CUL4A: variants seen among roughly 807,000 people sequenced by gnomAD.
CUL4A encodes the protein cullin 4A, also known as cullin-4A.
CUL4A carries 16 observed loss-of-function variants against 95.5 expected under a neutral mutation model. The observed-to-expected ratio is 0.17, with a 90% CI of 0.11 to 0.25. CUL4A has a LOEUF of 0.25. Among genes scored for constraint, CUL4A ranks in the 10% least tolerant of loss-of-function variants. The pLI is 1.00. For synonymous variants in CUL4A, 380 were observed against 353.1 expected (o/e 1.08, Z -0.85); for missense variants, 610 against 937.0 (o/e 0.65, Z 4.56).
Position 113,225,713 on chromosome 13 carries a change from G to A in CUL4A, c.369-2263G>A, listed in dbSNP as rs1376168074. Among the ~76,000 whole-genome samples, 6 of 152,356 alleles carry A rather than the reference G, an allele frequency of 3.9e-5. No individual in the cohort carries two copies. In the East Asian group the frequency reaches 9.6e-4, roughly 24 times the overall value. ...CTGGGAGGTCCAGGCCGCAGTTCCC[G>A]TCCAGCTCCTGGAGTCAGAGCTGCA... On this transcript the variant is annotated intron_variant, in intron 3 of 19. Transcript: ENST00000375440.
rs368124431 is a variant in CUL4A, at chr13:113,236,594, G to A, written c.849-229G>A. 6.6e-5 allele frequency among the ~76,000 whole-genome samples: 10 copies of A among 152,302 alleles called. No homozygotes were observed. In the East Asian group the frequency reaches 1.9e-3, roughly 29 times the overall value. ...GAAGCATCCCTGCTTCCCTGGGCCC[G>A]CCCGTGGGCCTGCTTGTGCTGTTCA... On this transcript the variant is annotated intron_variant, in intron 8 of 19. Coordinates refer to ENST00000375440, the MANE Select transcript of CUL4A (RefSeq NM_001008895.4).
intron 5 of CUL4A, among the ~76,000 whole-genome samples, chr13:113,231,549 A>G (rs2041309958): frequency 6.6e-6 from 1 of 152,130 alleles, no homozygotes; most frequent in African/African-American, 2.4e-5. Flanking sequence ...AGAGTCACAC[A>G]AGTGGAGACC....
chr13:113,233,071 C>A, intron 5 of CUL4A, 106 bp from the exon 6 acceptor site: 3 of 1,197,342 alleles, frequency 2.5e-6, no homozygotes, highest in Non-Finnish European at 3.5e-6. Context: ...AGAGAATTAG[C>A]AACTTCACAT....
At chr13:113,249,937 G>T (rs2041952783) in intron 15 of CUL4A, among the ~76,000 whole-genome samples, 1 of 151,968 alleles carries the variant, frequency 6.6e-6, no homozygotes, top group Admixed American at 6.6e-5. Flanking sequence ...TTTTTAACCG[G>T]GCTGTTTATC....
chr13:113,208,420 C>T (rs2040113418), upstream of CUL4A: 1 of 1,487,160 alleles, frequency 6.7e-7, no homozygotes, highest in Non-Finnish European at 8.9e-7. Context: ...AGAACTCGGG[C>T]CGCCTTCCCG....
In CUL4A at chr13:113,221,843, T is replaced by C. The variant is rs901093516; in HGVS notation, c.368+2795T>C. ...CACCTGCCTCAGCCTCCCAAAGTGCTGGGATTACAGGCGTGAGCCACCGCG... is the reference window on the plus strand; with the variant it reads ...CACCTGCCTCAGCCTCCCAAAGTGCCGGGATTACAGGCGTGAGCCACCGCG... On this transcript the variant is annotated intron_variant, in intron 3 of 19. Coordinates refer to ENST00000375440, the MANE Select transcript of CUL4A (RefSeq NM_001008895.4). Among the ~76,000 whole-genome samples, 7 of 152,350 alleles carry C rather than the reference T, an allele frequency of 4.6e-5. No homozygotes were observed. In the South Asian group the frequency reaches 1.4e-3, roughly 32 times the overall value.
At chr13:113,233,632 C>G (rs1437840604) in intron 6 of CUL4A, among the ~76,000 whole-genome samples, 1 of 152,142 alleles carries the variant, frequency 6.6e-6, no homozygotes, top group Admixed American at 6.5e-5. Flanking sequence ...AGATGACACG[C>G]TGGGGGAAAA....
intron 15 of CUL4A, among the ~76,000 whole-genome samples, chr13:113,250,826 A>G (rs980600791): frequency 2.0e-5 from 3 of 152,200 alleles, no homozygotes. Context: ...TACAAATGAA[A>G]TGAAATCGAT....
At chr13:113,224,953 G>A (rs1566332687) in intron 3 of CUL4A, among the ~76,000 whole-genome samples, 1 of 152,280 alleles carries the variant, frequency 6.6e-6, no homozygotes, top group Non-Finnish European at 1.5e-5. Context: ...ACTTGTTCCT[G>A]GAATTGCAGA....
At chr13:113,260,282 A>G (rs9549720) in intron 18 of CUL4A, among the ~76,000 whole-genome samples, 145,778 of 148,818 alleles carry the variant, frequency 0.98, 71,457 homozygotes, top group East Asian at 1. Flanking sequence ...CAGGTGTGGT[A>G]GCTCACACCT....
upstream of CUL4A, chr13:113,208,387 C>T: frequency 1.4e-6 from 2 of 1,439,910 alleles, no homozygotes; most frequent in Non-Finnish European, 1.8e-6. Flanking sequence ...CACCGCCCGG[C>T]CCCCACGGCG....
At chr13:113,244,924 A>T (rs1334469080) in intron 12 of CUL4A, 25 bp from the exon 13 acceptor site, 4 of 1,427,108 alleles carry the variant, frequency 2.8e-6, no homozygotes, top group Middle Eastern at 1.7e-4. Context: ...TGATGTCTTG[A>T]TTATTCTCGT....
At position 113,263,557 on chromosome 13, in the gene CUL4A, C is replaced by T. The variant is rs1002423593; in HGVS notation, c.2255C>T (p.Pro752Leu). ...RDYMERDKDN[P>L]NQYHYVA ...TATATGGAGAGAGACAAAGACAATC[C>T]GAATCAGTACCACTACGTGGCCTGA... The change falls in exon 20 of 20, where the codon CCG becomes CTG. Residue 752 changes from proline to leucine, a missense_variant. Coordinates refer to ENST00000375440, the MANE Select transcript of CUL4A (RefSeq NM_001008895.4). 2.5e-6 allele frequency: 4 copies of T among 1,602,798 alleles called. No individual in the cohort carries two copies. Among genetic ancestry groups the T allele is most frequent in the African/African-American group, 1.3e-5 (1 of 74,172 alleles).
At chr13:113,209,806 C>A in intron 1 of CUL4A, 31 bp downstream of exon 1, 1 of 1,167,022 alleles carries the variant, frequency 8.6e-7, no homozygotes, top group Non-Finnish European at 1.1e-6. Flanking sequence ...GAGGGCCAGG[C>A]GCCCCGGGCG....
intron 19 of CUL4A, among the ~76,000 whole-genome samples, chr13:113,261,358 A>T (rs2042270519): frequency 6.6e-6 from 1 of 152,334 alleles, no homozygotes; most frequent in Non-Finnish European, 1.5e-5. Flanking sequence ...AGGACCGGCC[A>T]CACGTGCTTT....
chr13:113,209,517 G>A (rs898011380), upstream of CUL4A: 1 of 625,148 alleles, frequency 1.6e-6, no homozygotes, highest in Non-Finnish European at 2.0e-6. Context: ...GGGCGGGGCG[G>A]GGCGGGGCGC....
chr13:113,214,678 G>C (rs989798147), intron 2 of CUL4A, among the ~76,000 whole-genome samples: 33 of 152,164 alleles, frequency 2.2e-4, no homozygotes, highest in African/African-American at 8.0e-4. Context: ...AGGAAAGCCA[G>C]GCTGTCTTTC....
intron 3 of CUL4A, among the ~76,000 whole-genome samples, chr13:113,226,222 G>C (rs1293513363): frequency 2.6e-5 from 4 of 152,198 alleles, no homozygotes; most frequent in Non-Finnish European, 5.9e-5. Context: ...CCTCCTCTCT[G>C]TGTGTGAGGA....
At chr13:113,211,636 C>T (rs570590836) in intron 2 of CUL4A, among the ~76,000 whole-genome samples, 9 of 152,296 alleles carry the variant, frequency 5.9e-5, no homozygotes, top group East Asian at 5.8e-4. Context: ...CCACCCACCT[C>T]GGTCTCTCAA....
Sources: gnomAD v4.1 joint callset for allele counts (sites outside exome capture counted in the v4.1 genomes callset) on GRCh38, gnomAD v4.1.1 for gene constraint, MANE v1.5 for transcripts, NCBI Gene and HGNC (gene_info 2026-07-23, HGNC 2026-07-21) for gene names.